EPHA6: variants seen among roughly 807,000 people sequenced by gnomAD.
EPHA6 encodes the protein ephrin type-A receptor 6.
A neutral mutation model predicts 112.0 loss-of-function variants in EPHA6; 50 were observed. That is an observed-to-expected ratio of 0.45 (90% CI 0.36 to 0.56). The LOEUF is 0.56. EPHA6 is among the 20% of genes least tolerant of loss of function. The probability of loss-of-function intolerance (pLI) is 0.00; values close to 1 mark genes in which losing one functional copy is unlikely to be tolerated. For missense variants in EPHA6, 1,280 were observed against 1,417.4 expected (o/e 0.90, Z 1.56); for synonymous variants, 529 against 490.7 (o/e 1.08, Z -1.03).
chr3:96,837,854 G>A (rs2034510465), intron 1 of EPHA6, among the ~76,000 whole-genome samples: 1 of 151,768 alleles, frequency 6.6e-6, no homozygotes, highest in African/African-American at 2.4e-5. Context: ...AATGTATCTT[G>A]GAGTTTTTTA....
At chr3:97,427,541 G>C (rs1357238502) in intron 6 of EPHA6, among the ~76,000 whole-genome samples, 1 of 152,096 alleles carries the variant, frequency 6.6e-6, no homozygotes, top group African/African-American at 2.4e-5. Context: ...CTACTGGAGG[G>C]TGAAGAGTGG....
chr3:97,414,277 A>G (rs1033355100), intron 6 of EPHA6, among the ~76,000 whole-genome samples: 1 of 152,052 alleles, frequency 6.6e-6, no homozygotes, highest in East Asian at 1.9e-4. Context: ...AGGCATGGCT[A>G]AACACTGAGG....
chr3:97,116,327 A>G lies in EPHA6; in HGVS notation c.1115-109937A>G, dbSNP rs551405540. On this transcript the variant is annotated intron_variant, in intron 3 of 17. Transcript: ENST00000389672. Reference sequence around the variant, plus strand: ...ATGACCACAGTAAATGAACATATCTATAACTTCACATAGTTATATCTGTGT... The same window carrying G: ...ATGACCACAGTAAATGAACATATCTGTAACTTCACATAGTTATATCTGTGT... Among the ~76,000 whole-genome samples, 11 of 151,818 alleles carry G rather than the reference A, an allele frequency of 7.2e-5. No homozygotes were observed. The South Asian group carries it at 2.1e-3, about 29-fold the overall frequency.
At chr3:97,148,002 T>A (rs2076084439) in intron 3 of EPHA6, among the ~76,000 whole-genome samples, 1 of 152,252 alleles carries the variant, frequency 6.6e-6, no homozygotes, top group South Asian at 2.1e-4. Context: ...ATATAAGAAC[T>A]CTAATCTTTG....
intron 7 of EPHA6, among the ~76,000 whole-genome samples, chr3:97,465,849 T>G (rs2091032964): frequency 6.6e-6 from 1 of 152,070 alleles, no homozygotes; most frequent in Admixed American, 6.6e-5. Context: ...CACAGGAATT[T>G]AGCTCCAGTA....
chr3:97,532,632 AG>A (rs1299795869), intron 11 of EPHA6, 89 bp downstream of exon 11: 1 of 1,044,312 alleles, frequency 9.6e-7, no homozygotes, highest in East Asian at 2.6e-5. Flanking sequence ...ATAATACCAC[AG>A]TCATTAAAGG....
intron 9 of EPHA6, among the ~76,000 whole-genome samples, chr3:97,480,274 C>T (rs542051062): frequency 6.8e-6 from 1 of 148,104 alleles, no homozygotes; most frequent in East Asian, 2.0e-4. Context: ...GGCTGTTTCT[C>T]GGAGAGGGGG....
chr3:97,480,345 G>C (rs2091496040), intron 9 of EPHA6, among the ~76,000 whole-genome samples: 1 of 151,964 alleles, frequency 6.6e-6, no homozygotes, highest in Admixed American at 6.6e-5. Context: ...TGTGAACAAG[G>C]GTTCTCTGGT....
intron 3 of EPHA6, among the ~76,000 whole-genome samples, chr3:97,122,546 A>G (rs906328878): frequency 6.6e-6 from 1 of 152,038 alleles, no homozygotes; most frequent in African/African-American, 2.4e-5. Context: ...AAAACACTAC[A>G]AATATCTCTG....
chr3:97,600,645 CAT>C (rs1359994929), intron 12 of EPHA6, among the ~76,000 whole-genome samples: 1 of 152,142 alleles, frequency 6.6e-6, no homozygotes, highest in South Asian at 2.1e-4. Flanking sequence ...GACATGTGAT[CAT>C]GTATGTAAGT....
rs183561862 is a variant in EPHA6 at position 97,121,270 on chromosome 3, C to G, written c.1115-104994C>G. The stretch of plus-strand genomic sequence containing the variant: ...AAATTTACGAATGCCCATTCCCAAG[C>G]CACATTTAAGTAGTAACCAGCTGGG... On this transcript the variant is annotated intron_variant, in intron 3 of 17. Transcript: ENST00000389672. Among the ~76,000 whole-genome samples, 949 of 152,092 alleles carry G rather than the reference C, an allele frequency of 6.2e-3. 1 individual carries two copies. Among genetic ancestry groups the G allele is most frequent in the Non-Finnish European group, 0.01 (711 of 67,946 alleles).
intron 6 of EPHA6, among the ~76,000 whole-genome samples, chr3:97,433,273 T>C (rs1352071451): frequency 2.0e-5 from 3 of 152,308 alleles, no homozygotes; most frequent in Non-Finnish European, 4.4e-5. Flanking sequence ...CCTTACATAG[T>C]AAAAAGAGAA....
rs540181337 is a variant in EPHA6, at chr3:97,146,585, A to G, written c.1115-79679A>G. Among the ~76,000 whole-genome samples the G allele has an allele frequency of 3.1e-4, 47 of 152,048 alleles. No individual in the cohort carries two copies. In the South Asian group the frequency reaches 8.9e-3, roughly 29 times the overall value. On this transcript the variant is annotated intron_variant, in intron 3 of 17. Coordinates refer to ENST00000389672, the MANE Select transcript of EPHA6 (RefSeq NM_001080448.3). The stretch of plus-strand genomic sequence containing the variant: ...TTAATCCATGACTCTTGTACTCTCT[A>G]TATTAGGTAACTCACACCAATAGCT...
In EPHA6 at chr3:97,030,246, A is replaced by G. The variant is rs76478655; in HGVS notation, c.1114+42253A>G. Among the ~76,000 whole-genome samples, 508 of 152,204 alleles carry G rather than the reference A, an allele frequency of 3.3e-3. 7 individuals are homozygous for G. Among genetic ancestry groups the G allele is most frequent in the African/African-American group, 0.011 (444 of 41,554 alleles). The stretch of plus-strand genomic sequence containing the variant: ...GTTGCTGAAGCCTAACTTAATACCT[A>G]TGAATCAGGGACACTCATCAAATCA... On this transcript the variant is annotated intron_variant, in intron 3 of 17. Transcript: ENST00000389672.
intron 2 of EPHA6, among the ~76,000 whole-genome samples, chr3:96,873,451 A>C (rs1472200355): frequency 6.6e-6 from 1 of 152,132 alleles, no homozygotes; most frequent in African/African-American, 2.4e-5. Flanking sequence ...ATACGTTTTC[A>C]ACTGTCACAA....
At chr3:97,297,010 G>A (rs989609738) in intron 5 of EPHA6, among the ~76,000 whole-genome samples, 1 of 152,148 alleles carries the variant, frequency 6.6e-6, no homozygotes. Context: ...TGGCAACATA[G>A]TGCAGCTGCT....
intron 2 of EPHA6, among the ~76,000 whole-genome samples, chr3:96,962,368 G>T (rs77479490): frequency 0.014 from 2,088 of 151,624 alleles, 58 homozygotes; most frequent in African/African-American, 0.048. Context: ...CTTTAGGATA[G>T]TTACCCCAAA....
chr3:96,913,161 TACACACACAC>T (rs768422240), intron 2 of EPHA6, among the ~76,000 whole-genome samples: 1,693 of 123,216 alleles, frequency 0.014, 20 homozygotes, highest in Middle Eastern at 0.063. Context: ...AGACCCCGTC[TACACACACAC>T]ACACACACAC....
Position 97,321,001 on chromosome 3 carries a change from A to G in EPHA6, c.1606+76714A>G, listed in dbSNP as rs2082093692. On this transcript the variant is annotated intron_variant, in intron 5 of 17. Transcript: ENST00000389672. ...AACATTATGAAACTATTGACCTTACATAGCTTCATCTGCACAACTATTGAT... is the reference window on the plus strand; with the variant it reads ...AACATTATGAAACTATTGACCTTACGTAGCTTCATCTGCACAACTATTGAT... Among the ~76,000 whole-genome samples the G allele has an allele frequency of 2.6e-5, 4 of 152,074 alleles. No individual in the cohort carries two copies. In the South Asian group the frequency reaches 6.2e-4, roughly 24 times the overall value.
Sources: allele counts gnomAD v4.1 joint callset (sites outside exome capture counted in the v4.1 genomes callset), GRCh38; gene constraint gnomAD v4.1.1; transcripts MANE v1.5; gene names NCBI Gene and HGNC (gene_info 2026-07-23, HGNC 2026-07-21).